The following PEX14 variants were observed in gnomAD, a reference collection of about 807,000 sequenced individuals.
The protein encoded by PEX14 is peroxisomal membrane protein PEX14.
A neutral mutation model predicts 49.5 loss-of-function variants in PEX14; 15 were observed. The observed-to-expected ratio is 0.30, with a 90% CI of 0.20 to 0.47. The LOEUF (loss-of-function observed/expected upper bound fraction) is 0.47. Among genes scored for constraint, PEX14 ranks in the 20% least tolerant of loss-of-function variants. The pLI, the probability that PEX14 is intolerant of heterozygous loss-of-function variation, is 1.00. For missense variants in PEX14, 398 were observed against 494.8 expected (o/e 0.80, Z 1.86); for synonymous variants, 210 against 212.7 (o/e 0.99, Z 0.11).
chr1:10,588,106 A>G (rs1189405651), intron 3 of PEX14, among the ~76,000 whole-genome samples: 1 of 151,848 alleles, frequency 6.6e-6, no homozygotes, highest in African/African-American at 2.4e-5. Flanking sequence ...CTGTAATCCC[A>G]GCTACTCGGG....
intron 3 of PEX14, among the ~76,000 whole-genome samples, chr1:10,559,704 A>T (rs961031353): frequency 3.9e-5 from 6 of 152,238 alleles, no homozygotes; most frequent in Non-Finnish European, 8.8e-5. Flanking sequence ...GCTGTAGGAC[A>T]TCATCAGAAG....
intron 2 of PEX14, among the ~76,000 whole-genome samples, chr1:10,531,364 T>G (rs973940471): frequency 2.2e-4 from 34 of 152,324 alleles, no homozygotes; most frequent in African/African-American, 8.2e-4. Flanking sequence ...AATGCAGCAT[T>G]TCTGTTTGAA....
intron 1 of PEX14, among the ~76,000 whole-genome samples, chr1:10,482,366 G>A (rs1217132727): frequency 6.6e-6 from 1 of 151,642 alleles, no homozygotes; most frequent in Non-Finnish European, 1.5e-5. Context: ...CTGACCTCAA[G>A]TGATCCACCT....
At chr1:10,619,548 C>T (rs1394024894) in intron 5 of PEX14, among the ~76,000 whole-genome samples, 1 of 151,980 alleles carries the variant, frequency 6.6e-6, no homozygotes, top group African/African-American at 2.4e-5. Context: ...CTCCTGACCT[C>T]AGGTGATCCG....
intron 2 of PEX14, among the ~76,000 whole-genome samples, chr1:10,500,042 G>A (rs1222785393): frequency 3.3e-5 from 5 of 151,970 alleles, no homozygotes; most frequent in African/African-American, 9.7e-5. Context: ...TGGTTTACAA[G>A]CCAATTAACC....
chr1:10,599,175 T>C (rs1640910847), intron 3 of PEX14, 63 bp from the exon 4 acceptor site: 14 of 1,561,008 alleles, frequency 9.0e-6, no homozygotes, highest in Non-Finnish European at 1.2e-5. Flanking sequence ...CAGTGAAGAT[T>C]CTGTTGCAGC....
intron 3 of PEX14, among the ~76,000 whole-genome samples, chr1:10,598,033 C>T (rs1338255880): frequency 6.6e-6 from 1 of 152,222 alleles, no homozygotes; most frequent in Non-Finnish European, 1.5e-5. Flanking sequence ...CCTCCTTGTA[C>T]TTCATCTACC....
At chr1:10,502,748 C>G (rs1641703623) in intron 2 of PEX14, among the ~76,000 whole-genome samples, 1 of 151,348 alleles carries the variant, frequency 6.6e-6, no homozygotes, top group Admixed American at 6.6e-5. Context: ...CACTCAGGTG[C>G]CTTTTATCAG....
chr1:10,629,337 T>C lies in PEX14; in HGVS notation c.678-194T>C, dbSNP rs1641840991. The stretch of plus-strand genomic sequence containing the variant: ...CTGTCTGTGGGGGCACAGGACCCGC[T>C]TGGCATCTATCTCAGCTGTAGGATC... On this transcript the variant is annotated intron_variant, in intron 8 of 8. Transcript: ENST00000356607. This position sits in a 1 kb window ranked among gnomAD's most constrained non-coding sequence, Gnocchi z 8.5. 6.6e-6 allele frequency among the ~76,000 whole-genome samples: 1 copy of C among 152,146 alleles called. No homozygotes were observed. Among genetic ancestry groups the C allele is most frequent in the African/African-American group, 2.4e-5 (1 of 41,438 alleles).
At chr1:10,501,355 A>G (rs1417936768) in intron 2 of PEX14, among the ~76,000 whole-genome samples, 2 of 152,090 alleles carry the variant, frequency 1.3e-5, no homozygotes, top group Admixed American at 6.5e-5. Context: ...AGAGTGCTGG[A>G]GTGCAGTGGC....
At chr1:10,497,519 G>A (rs1224938487) in intron 2 of PEX14, among the ~76,000 whole-genome samples, 2 of 152,158 alleles carry the variant, frequency 1.3e-5, no homozygotes, top group African/African-American at 2.4e-5. Context: ...AGTAATTCAC[G>A]TGTTTTACTT....
chr1:10,610,821 T>C (rs537887007), intron 4 of PEX14, among the ~76,000 whole-genome samples: 3 of 152,328 alleles, frequency 2.0e-5, no homozygotes, highest in East Asian at 3.9e-4. Context: ...TTTTAGACTT[T>C]GTGAGCCACA....
rs1446959607 is a variant in PEX14, at chr1:10,628,198, G to T, written c.677+835G>T. Among the ~76,000 whole-genome samples the T allele has an allele frequency of 6.6e-6, 1 of 152,246 alleles. No individual in the cohort carries two copies. Among genetic ancestry groups the T allele is most frequent in the Admixed American group, 6.5e-5 (1 of 15,286 alleles). On this transcript the variant is annotated intron_variant, in intron 8 of 8. Transcript: ENST00000356607. This position sits in a 1 kb window ranked among gnomAD's most constrained non-coding sequence, Gnocchi z 4.5. ...TCATCTGCCCATGGCCTCCCAAAGTGCTGGGATTACAGGTGTGAGCCACTG... is the reference window on the plus strand; with the variant it reads ...TCATCTGCCCATGGCCTCCCAAAGTTCTGGGATTACAGGTGTGAGCCACTG...
intron 2 of PEX14, among the ~76,000 whole-genome samples, chr1:10,509,286 TGTC>T (rs997839867): frequency 1.3e-5 from 2 of 152,194 alleles, no homozygotes; most frequent in African/African-American, 4.8e-5. Flanking sequence ...AGCTCTCTGT[TGTC>T]TGAAAAATGG....
intron 5 of PEX14, among the ~76,000 whole-genome samples, chr1:10,620,480 C>G (rs1004567604): frequency 6.6e-6 from 1 of 151,390 alleles, no homozygotes; most frequent in East Asian, 2.0e-4. Context: ...AGAAGGAGAC[C>G]CTGTCTCAAT....
chr1:10,586,628 C>CTTTTTTTT (rs35743829), intron 3 of PEX14, among the ~76,000 whole-genome samples: 7 of 93,014 alleles, frequency 7.5e-5, no homozygotes, highest in South Asian at 4.5e-4. Context: ...AGCCGTTTAC[C>CTTTTTTTT]TTTTTTTTTT....
At chr1:10,519,179 C>T (rs1328478427) in intron 2 of PEX14, among the ~76,000 whole-genome samples, 1 of 152,128 alleles carries the variant, frequency 6.6e-6, no homozygotes, top group East Asian at 1.9e-4. Flanking sequence ...TCATTCTCCC[C>T]TCCTCAGCCC....
intron 2 of PEX14, among the ~76,000 whole-genome samples, chr1:10,526,221 ATT>A (rs35251972): frequency 1.3e-4 from 17 of 127,090 alleles, no homozygotes; most frequent in Admixed American, 2.4e-4. Flanking sequence ...CGCCCGGCTG[ATT>A]TTTTTTTTTT....
Position 10,539,641 on chromosome 1 carries a change from G to T in PEX14, c.169+3344G>T, listed in dbSNP as rs1194817726. Among the ~76,000 whole-genome samples, 1 of 152,106 alleles carries T rather than the reference G, an allele frequency of 6.6e-6. No homozygotes were observed. The highest frequency in any genetic ancestry group is 1.5e-5 in the Non-Finnish European group (1 of 68,030). On this transcript the variant is annotated intron_variant, in intron 3 of 8. Coordinates refer to ENST00000356607, the MANE Select transcript of PEX14 (RefSeq NM_004565.3). The surrounding 1 kb of genome is among the most constrained non-coding windows in gnomAD (Gnocchi z 4.6). Reference sequence around the variant, plus strand: ...CTTGCCAGGCAGGCATCATATCTGGGGCTTTAAGCAGGCTGCAATCCAGGA... The same window carrying T: ...CTTGCCAGGCAGGCATCATATCTGGTGCTTTAAGCAGGCTGCAATCCAGGA...
Sources: gnomAD v4.1 joint callset for allele counts (sites outside exome capture counted in the v4.1 genomes callset) on GRCh38, gnomAD v4.1.1 for gene constraint, Gnocchi (gnomAD v3.1) non-coding constraint, MANE v1.5 for transcripts, NCBI Gene and HGNC (gene_info 2026-07-23, HGNC 2026-07-21) for gene names.